Variants in ALKBH1 observed in about 807,000 individuals in gnomAD.
ALKBH1 encodes the protein nucleic acid dioxygenase ALKBH1.
ALKBH1 carries 31 observed loss-of-function variants against 36.6 expected under a neutral mutation model. The ratio of observed to expected loss-of-function variants is 0.85; its 90% confidence interval spans 0.64 to 1.14. The LOEUF (loss-of-function observed/expected upper bound fraction) is 1.14, where lower values mean the gene tolerates loss of function less well. Ranked by LOEUF, ALKBH1 falls within the 50% of genes most tolerant of loss-of-function variation. The pLI is 0.00. For synonymous variants in ALKBH1, 183 were observed against 186.6 expected, an observed-to-expected ratio of 0.98 and a Z score of 0.16; for missense variants, 490 against 497.3, an observed-to-expected ratio of 0.99 and a Z score of 0.14.
At chr14:77,675,554 A>T in intron 5 of ALKBH1, 102 bp downstream of exon 5, 1 of 1,051,370 alleles carries the variant, frequency 9.5e-7, no homozygotes, top group Non-Finnish European at 1.3e-6. Context: ...GAGTCCAACC[A>T]CTTTTTTAAA....
At chr14:77,696,885 A>AGGATT (rs1172597068) in intron 2 of ALKBH1, 6 of 152,890 alleles carry the variant, frequency 3.9e-5, no homozygotes, top group African/African-American at 1.4e-4. Flanking sequence ...TTTGACAAGC[A>AGGATT]CTGAGGAAGA....
intron 3 of ALKBH1, among the ~76,000 whole-genome samples, chr14:77,693,417 G>C (rs182390117): frequency 2.3e-3 from 356 of 152,216 alleles, no homozygotes; most frequent in African/African-American, 8.3e-3. Context: ...CTTGAAGACA[G>C]GAACTGTTTT....
At chr14:77,677,772 C>T (rs1188749867) in intron 4 of ALKBH1, among the ~76,000 whole-genome samples, 1 of 152,120 alleles carries the variant, frequency 6.6e-6, no homozygotes, top group African/African-American at 2.4e-5. Context: ...TTTCTCAAAA[C>T]TCAAAGTGTG....
intron 3 of ALKBH1, among the ~76,000 whole-genome samples, chr14:77,682,193 T>G (rs966981762): frequency 6.6e-6 from 1 of 152,208 alleles, no homozygotes; most frequent in Non-Finnish European, 1.5e-5. Flanking sequence ...AACCACACAT[T>G]ATTTTTGTGC....
intron 1 of ALKBH1, among the ~76,000 whole-genome samples, chr14:77,706,012 GC>G (rs2080387609): frequency 6.6e-6 from 1 of 151,994 alleles, no homozygotes; most frequent in African/African-American, 2.4e-5. Flanking sequence ...CCAAGATCAC[GC>G]CACTGCACTT....
chr14:77,680,674 A>ACCCT (rs1555383639), intron 3 of ALKBH1, among the ~76,000 whole-genome samples: 17 of 92,208 alleles, frequency 1.8e-4, no homozygotes, highest in Admixed American at 1.6e-3. Context: ...GTGATTAACT[A>ACCCT]CTCTTTTTTT....
intron 1 of ALKBH1, among the ~76,000 whole-genome samples, chr14:77,707,077 T>A (rs1227283052): frequency 1.3e-5 from 2 of 152,212 alleles, no homozygotes; most frequent in Admixed American, 1.3e-4. Flanking sequence ...TTTTAAAAAA[T>A]CTATTTACTT....
At chr14:77,684,197 G>C (rs2080254938) in intron 3 of ALKBH1, among the ~76,000 whole-genome samples, 1 of 152,162 alleles carries the variant, frequency 6.6e-6, no homozygotes, top group South Asian at 2.1e-4. Flanking sequence ...TTATTCAGCA[G>C]GTCTAGGGTG....
Position 77,675,641 on chromosome 14 carries a change from C to T in ALKBH1, c.740+15G>A. ...AATGATAAAAAGTAATCCCAAATCC[C>T]TGGAACTAACTCACCTGAATGACAG... is the stretch of plus-strand genomic sequence containing the variant. On this transcript the variant is annotated intron_variant, in intron 5 of 5. Transcript: ENST00000216489. 6.3e-7 allele frequency: 1 copy of T among 1,577,456 alleles called. No individual in the cohort carries two copies. Among genetic ancestry groups the T allele is most frequent in the Non-Finnish European group, 8.7e-7 (1 of 1,154,610 alleles).
chr14:77,687,920 C>CTT (rs869050931), intron 3 of ALKBH1, among the ~76,000 whole-genome samples: 3 of 94,308 alleles, frequency 3.2e-5, no homozygotes, highest in Non-Finnish European at 4.8e-5. Context: ...TCTCATCTCT[C>CTT]TTCGTGTCCC....
Position 77,694,387 on chromosome 14 carries a change from T to A in ALKBH1, c.455+351A>T, listed in dbSNP as rs1473142596. 2.6e-5 allele frequency among the ~76,000 whole-genome samples: 4 copies of A among 152,218 alleles called. No individual in the cohort carries two copies. In the East Asian group the frequency reaches 5.8e-4, roughly 22 times the overall value. The stretch of plus-strand genomic sequence containing the variant: ...GAGGGTAGAAGCAAAGAGCTTTCGA[T>A]GTTACCTTTCCTAGGATACCAAAAG... On this transcript the variant is annotated intron_variant, in intron 3 of 5. Coordinates refer to ENST00000216489, the MANE Select transcript of ALKBH1 (RefSeq NM_006020.3).
chr14:77,684,811 G>C (rs2080258979), intron 3 of ALKBH1, among the ~76,000 whole-genome samples: 1 of 152,162 alleles, frequency 6.6e-6, no homozygotes, highest in African/African-American at 2.4e-5. Flanking sequence ...GCCTCCCAAA[G>C]TATCGGTACT....
At chr14:77,704,278 A>G (rs2080375971) in intron 2 of ALKBH1, 91 bp downstream of exon 2, 1 of 916,422 alleles carries the variant, frequency 1.1e-6, no homozygotes, top group African/African-American at 1.6e-5. Context: ...TCCTTTGTCT[A>G]TTTACTTGCT....
At chr14:77,677,185 G>A (rs936768896) in intron 4 of ALKBH1, among the ~76,000 whole-genome samples, 9 of 152,062 alleles carry the variant, frequency 5.9e-5, no homozygotes, top group African/African-American at 2.2e-4. Context: ...GATTACAGGT[G>A]CCTGCCACCA....
rs1595059888 is a variant in ALKBH1 at position 77,702,914 on chromosome 14, G to A, written c.292+1455C>T. ...TCACGCCTGTAATCCTAGCACTCTG[G>A]GAGACCGAGGCGGGTGGATCACTTG... On this transcript the variant is annotated intron_variant, in intron 2 of 5. Transcript: ENST00000216489. 2.6e-5 allele frequency among the ~76,000 whole-genome samples: 4 copies of A among 152,092 alleles called. No individual in the cohort carries two copies. The South Asian group carries it at 8.3e-4, about 31-fold the overall frequency.
In ALKBH1 at chr14:77,675,717, T is replaced by C. The variant is rs2080201522; in HGVS notation, c.679A>G (p.Thr227Ala). The change falls in exon 5 of 6, where the codon ACA becomes GCA. Residue 227 changes from threonine to alanine, a missense_variant. Thr to Ala is a moderately conservative substitution (Grantham distance 58). Transcript: ENST00000216489. ...GATCTGTCTACGTGGATTCCCAGTG[T>C]GGAGTCCAGGCGGTAGTAATTCAGG... is the stretch of plus-strand genomic sequence containing the variant. ...GILNYYRLDS[T>A]LGIHVDRSEL... 1.2e-6 allele frequency: 2 copies of C among 1,614,140 alleles called. No homozygotes were observed. The highest frequency in any genetic ancestry group is 1.7e-6 in the Non-Finnish European group (2 of 1,180,008).
intron 3 of ALKBH1, among the ~76,000 whole-genome samples, chr14:77,682,863 A>G (rs144493773): frequency 0.01 from 1,584 of 151,946 alleles, 32 homozygotes; most frequent in African/African-American, 0.037. Flanking sequence ...CGCCTGGCTA[A>G]TTTTTGTATT....
intron 3 of ALKBH1, among the ~76,000 whole-genome samples, chr14:77,688,355 A>C (rs2080279600): frequency 6.6e-6 from 1 of 151,358 alleles, no homozygotes; most frequent in Admixed American, 6.6e-5. Context: ...TCCCAGGTTC[A>C]AGGGATTCTT....
intron 3 of ALKBH1, among the ~76,000 whole-genome samples, chr14:77,692,912 A>C (rs2080305705): frequency 7.4e-6 from 1 of 134,732 alleles, no homozygotes; most frequent in African/African-American, 2.8e-5. Context: ...AATTAAAAAA[A>C]AAAATTTTTT....
Sources: gnomAD v4.1 joint callset for allele counts (sites outside exome capture counted in the v4.1 genomes callset) on GRCh38, gnomAD v4.1.1 for gene constraint, MANE v1.5 for transcripts, NCBI Gene and HGNC (gene_info 2026-07-23, HGNC 2026-07-21) for gene names.